Variants in IL1R1 observed in about 807,000 individuals in gnomAD.
IL1R1 encodes the protein interleukin-1 receptor type 1.
A neutral mutation model predicts 50.2 loss-of-function variants in IL1R1; 22 were observed. That is an observed-to-expected ratio of 0.44 (90% CI 0.31 to 0.63). IL1R1 has a LOEUF of 0.63. IL1R1 is among the 20% of genes least tolerant of loss of function. The pLI is 0.07. For synonymous variants in IL1R1, 251 were observed against 236.7 expected (o/e 1.06, Z -0.55); for missense variants, 509 against 676.2 (o/e 0.75, Z 2.74).
chr2:102,158,264 A>G (rs1238923122), intron 3 of IL1R1, among the ~76,000 whole-genome samples: 3 of 152,140 alleles, frequency 2.0e-5, no homozygotes, highest in African/African-American at 7.2e-5. Context: ...GCTACTGGGG[A>G]TACAGCAGGG....
intron 1 of IL1R1, among the ~76,000 whole-genome samples, chr2:102,095,044 G>A (rs568628820): frequency 1.3e-5 from 2 of 152,234 alleles, no homozygotes; most frequent in South Asian, 4.1e-4. Context: ...TTATACATAT[G>A]ACAATACTTA....
intron 1 of IL1R1, among the ~76,000 whole-genome samples, chr2:102,073,260 AT>A (rs1476632257): frequency 6.6e-6 from 1 of 152,208 alleles, no homozygotes; most frequent in Non-Finnish European, 1.5e-5. Context: ...GGTGAACATC[AT>A]AGACAAGGTT....
At chr2:102,172,006 G>A (rs1685716295) in intron 8 of IL1R1, 88 bp downstream of exon 8, 5 of 369,368 alleles carry the variant, frequency 1.4e-5, no homozygotes, top group African/African-American at 2.6e-5. Context: ...AAAAGCAAGT[G>A]TTAGTTGCTC....
chr2:102,154,794 A>C (rs1303368045), intron 2 of IL1R1, among the ~76,000 whole-genome samples: 3 of 152,258 alleles, frequency 2.0e-5, no homozygotes, highest in African/African-American at 7.2e-5. Context: ...TGCAAATGAC[A>C]GTCCCATTTC....
chr2:102,111,938 T>C (rs1469562626), intron 1 of IL1R1, among the ~76,000 whole-genome samples: 2 of 152,140 alleles, frequency 1.3e-5, no homozygotes, highest in African/African-American at 4.8e-5. Flanking sequence ...ACTGGAACTT[T>C]TCCTCCCACC....
At chr2:102,168,371 CTA>C (rs773995891) in intron 6 of IL1R1, among the ~76,000 whole-genome samples, 50 of 152,338 alleles carry the variant, frequency 3.3e-4, no homozygotes, top group Non-Finnish European at 4.9e-4. Flanking sequence ...GCACCCCACT[CTA>C]TGAATTCGGA....
intron 1 of IL1R1, among the ~76,000 whole-genome samples, chr2:102,078,012 C>T (rs1188438710): frequency 2.0e-5 from 3 of 151,986 alleles, no homozygotes; most frequent in Non-Finnish European, 2.9e-5. Context: ...ATTAAAAATA[C>T]TGTAAGATTA....
At chr2:102,095,985 T>C (rs1366467897) in intron 1 of IL1R1, among the ~76,000 whole-genome samples, 3 of 152,152 alleles carry the variant, frequency 2.0e-5, no homozygotes, top group African/African-American at 7.2e-5. Flanking sequence ...CCTGGCGATA[T>C]AGCCAGACTC....
intron 1 of IL1R1, among the ~76,000 whole-genome samples, chr2:102,108,453 T>G (rs1024687297): frequency 2.7e-4 from 41 of 152,188 alleles, no homozygotes; most frequent in African/African-American, 9.9e-4. Flanking sequence ...CCCAGTGGAC[T>G]GAGAGCTCCT....
chr2:102,095,416 G>T (rs1679853906), intron 1 of IL1R1, among the ~76,000 whole-genome samples: 1 of 152,200 alleles, frequency 6.6e-6, no homozygotes, highest in South Asian at 2.1e-4. Context: ...AAAACAAGAA[G>T]ATGAGAGGAC....
intron 1 of IL1R1, among the ~76,000 whole-genome samples, chr2:102,096,156 A>G (rs1046351717): frequency 6.6e-6 from 1 of 152,214 alleles, no homozygotes; most frequent in African/African-American, 2.4e-5. Context: ...TAATTGACGC[A>G]TTCATTTTCC....
chr2:102,115,683 G>T (rs1681030498), intron 1 of IL1R1, among the ~76,000 whole-genome samples: 1 of 152,126 alleles, frequency 6.6e-6, no homozygotes, highest in African/African-American at 2.4e-5. Flanking sequence ...CAGTATTTGG[G>T]ATAGGCCTTG....
chr2:102,174,345 C>T (rs1006656725), intron 9 of IL1R1, among the ~76,000 whole-genome samples: 8 of 152,048 alleles, frequency 5.3e-5, no homozygotes. Context: ...TATTATTTCC[C>T]ATGTTATTGT....
At position 102,166,266 on chromosome 2, in the gene IL1R1, G is replaced by C. The variant is rs1177313810; in HGVS notation, c.640G>C (p.Glu214Gln). 6.2e-7 allele frequency: 1 copy of C among 1,612,948 alleles called. No homozygotes were observed. Among genetic ancestry groups the C allele is most frequent in the East Asian group, 2.2e-5 (1 of 44,822 alleles). Residue 214 changes from glutamate (E) to glutamine (Q), a missense_variant, in exon 6 of 12, where the codon GAA becomes CAA. Transcript: ENST00000410023. ...GCAATATCCTATTACCCGGGTAATA[G>C]AATTTATTACTCTAGGTGAGTCATA... is the stretch of plus-strand genomic sequence containing the variant. The part of the protein sequence containing the change: ...GKQYPITRVI[E>Q]FITLEENKPT...
At chr2:102,106,435 C>G (rs756928352) in intron 1 of IL1R1, among the ~76,000 whole-genome samples, 5 of 152,202 alleles carry the variant, frequency 3.3e-5, no homozygotes, top group Non-Finnish European at 7.3e-5. Context: ...ACACTACATG[C>G]TATTGTTAAT....
chr2:102,164,974 G>T lies in IL1R1; in HGVS notation c.262G>T (p.Val88Leu). 3.1e-6 allele frequency: 5 copies of T among 1,614,034 alleles called. No individual in the cohort carries two copies. In the East Asian group the frequency reaches 1.1e-4, roughly 36 times the overall value. ...GAAACTTTGGTTTGTTCCTGCTAAG[G>T]TGGAGGATTCAGGACATTACTATTG... ...KEKLWFVPAKVEDSGHYYCVV... is the reference protein window; with the variant it reads ...KEKLWFVPAKLEDSGHYYCVV... The change falls in exon 4 of 12, where the codon GTG becomes TTG. Residue 88 changes from valine to leucine, a missense_variant. By Grantham distance (32) the Val-to-Leu change is conservative. Coordinates refer to ENST00000410023, the MANE Select transcript of IL1R1 (RefSeq NM_000877.4).
At chr2:102,148,597 A>G (rs1015165473) in intron 1 of IL1R1, among the ~76,000 whole-genome samples, 3 of 152,202 alleles carry the variant, frequency 2.0e-5, no homozygotes, top group Admixed American at 6.5e-5. Context: ...TAATAGAAAA[A>G]TAATAACTCC....
intron 1 of IL1R1, among the ~76,000 whole-genome samples, chr2:102,117,455 C>G (rs1479153370): frequency 6.6e-6 from 1 of 152,188 alleles, no homozygotes; most frequent in Non-Finnish European, 1.5e-5. Flanking sequence ...GTTGACATTA[C>G]AAAATAAAAT....
chr2:102,074,118 A>T (rs7569218), intron 1 of IL1R1, among the ~76,000 whole-genome samples: 21 of 152,024 alleles, frequency 1.4e-4, no homozygotes, highest in Non-Finnish European at 1.8e-4. Flanking sequence ...AGTTTTGGTA[A>T]CTCTCAAAGA....
Sources: allele counts gnomAD v4.1 joint callset (sites outside exome capture counted in the v4.1 genomes callset), GRCh38; gene constraint gnomAD v4.1.1; transcripts MANE v1.5; gene names NCBI Gene and HGNC (gene_info 2026-07-23, HGNC 2026-07-21).